GLA: variants seen among roughly 807,000 people sequenced by gnomAD.
The protein encoded by GLA is galactosidase alpha.
Under a neutral mutation model 28.2 loss-of-function variants are expected in GLA, and 4 were observed. That is an observed-to-expected ratio of 0.14 (90% confidence interval 0.07 to 0.32). The LOEUF is 0.32. Among genes scored for constraint, GLA ranks in the 10% least tolerant of loss-of-function variants. The pLI, the probability that GLA is intolerant of heterozygous loss-of-function variation, is 1.00. For missense variants in GLA, 203 were observed against 323.7 expected (o/e 0.63, Z 2.86); for synonymous variants, 94 against 113.0 (o/e 0.83, Z 1.07).
intron 1 of GLA, 124 bp downstream of exon 1, chrX:101,407,586 G>A: frequency 1.5e-6 from 1 of 653,116 alleles, no homozygotes; most frequent in Non-Finnish European, 2.6e-6. Flanking sequence ...TAAAAAAGCA[G>A]CAGCAGAGTC....
At chrX:101,406,460 G>A (rs1378464421) in intron 1 of GLA, among the ~76,000 whole-genome samples, 3 of 110,831 alleles carry the variant, frequency 2.7e-5, no homozygotes, top group Non-Finnish European at 5.7e-5. Flanking sequence ...ACGGTGGGGG[G>A]AAATCTTTAT....
rs782619655 is a variant in GLA at position 101,400,726 on chromosome X, C to G, written c.579G>C (p.Arg193Ser). 4 of 1,183,507 alleles carry G rather than the reference C, an allele frequency of 3.4e-6. No individual in the cohort carries two copies. The Admixed American group carries it at 8.7e-5, about 26-fold the overall frequency. The change falls in exon 4 of 7, where the codon AGG becomes AGC. Residue 193 changes from arginine (R) to serine (S), a missense_variant. Arg to Ser is a moderately radical substitution (Grantham distance 110, BLOSUM62 -1). This residue lies in a region of GLA where 162 missense variants were observed against 246.8 expected (regional missense o/e 0.66). Coordinates refer to ENST00000218516, the MANE Select transcript of GLA (RefSeq NM_000169.3). Reference sequence around the variant, plus strand: ...AGGAGTACACAATGCTTCTGCCAGTCCTATTCAGGGCCAAGGACATGTGCT... The same window carrying G: ...AGGAGTACACAATGCTTCTGCCAGTGCTATTCAGGGCCAAGGACATGTGCT... Reference protein sequence around the residue: ...GYKHMSLALNRTGRSIVYSCE... With the variant: ...GYKHMSLALNSTGRSIVYSCE...
At chrX:101,398,617 A>G in intron 5 of GLA, 50 bp from the exon 6 acceptor site, 1 of 1,092,115 alleles carries the variant, frequency 9.2e-7, no homozygotes, top group Non-Finnish European at 1.3e-6. Flanking sequence ...AAACATTCTT[A>G]AAGTTACCTA....
At chrX:101,401,941 A>G in intron 2 of GLA, 132 bp from the exon 3 acceptor site, 3 of 595,212 alleles carry the variant, frequency 5.0e-6, no homozygotes, top group Non-Finnish European at 5.7e-6. Context: ...TTCCCCACAA[A>G]CCCCCAAAAT....
In GLA at chrX:101,398,071, G is replaced by A. The variant is rs1555984858; in HGVS notation, c.1028C>T (p.Pro343Leu). 5.0e-6 allele frequency: 6 copies of A among 1,210,191 alleles called. No individual in the cohort carries two copies. The highest frequency in any genetic ancestry group is 6.7e-6 in the Non-Finnish European group (6 of 895,106). ...TACAGCCCAGGCTAAGCCTGAGAGA[G>A]GTCGTTCCCACACTTCAAAGTTGTC... is the stretch of plus-strand genomic sequence containing the variant. ...QGDNFEVWER[P>L]LSGLAWAVAM... Residue 343 changes from proline (P) to leucine (L), a missense_variant, in exon 7 of 7, where the codon CCT (proline) becomes CTT (leucine). By Grantham distance (98) the Pro-to-Leu change is moderately conservative. Transcript: ENST00000218516.
At chrX:101,406,438 C>T (rs1555986851) in intron 1 of GLA, among the ~76,000 whole-genome samples, 1 of 111,018 alleles carries the variant, frequency 9.0e-6, no homozygotes, top group East Asian at 2.8e-4. Flanking sequence ...ATGATTATTT[C>T]TGGGTGGTGG....
intron 2 of GLA, among the ~76,000 whole-genome samples, chrX:101,403,102 A>C (rs1224732691): frequency 9.1e-6 from 1 of 109,550 alleles, no homozygotes; most frequent in Admixed American, 9.8e-5. Flanking sequence ...GATCGAGACC[A>C]TCTTGGCTAA....
chrX:101,398,573 A>C lies in GLA; in HGVS notation c.802-6T>G, dbSNP rs782529392. 4.6e-5 allele frequency: 54 copies of C among 1,186,204 alleles called. No homozygotes were observed. Among genetic ancestry groups the C allele is most frequent in the Non-Finnish European group, 6.0e-5 (52 of 873,855 alleles). On this transcript the variant is annotated splice_region_variant and splice_polypyrimidine_tract_variant and intron_variant, in intron 5 of 6. Coordinates refer to ENST00000218516, the MANE Select transcript of GLA (RefSeq NM_000169.3). ...CCAAAGTTGCCAATCACTAACTGAGAAAAAGAATGAAATAATTCAAACAAG... is the reference window on the plus strand; with the variant it reads ...CCAAAGTTGCCAATCACTAACTGAGCAAAAGAATGAAATAATTCAAACAAG...
intron 3 of GLA, 82 bp from the exon 4 acceptor site, chrX:101,400,839 T>A (rs869312337): frequency 6.3e-5 from 30 of 476,838 alleles, no homozygotes; most frequent in Non-Finnish European, 6.0e-5. Context: ...TTTATTTTAT[T>A]TTATTTTAAT....
chrX:101,407,485 A>AGAGAGAGAGAG (rs1569305942), intron 1 of GLA, among the ~76,000 whole-genome samples: 1 of 111,224 alleles, frequency 9.0e-6, no homozygotes, highest in African/African-American at 3.3e-5. Context: ...AGAGAGAAAG[A>AGAGAGAGAGAG]AACAGGGGCC....
chrX:101,401,450 CATGA>C, intron 3 of GLA, 178 bp downstream of exon 3: 1 of 501,219 alleles, frequency 2.0e-6, no homozygotes, highest in Non-Finnish European at 3.6e-6. Flanking sequence ...ATGGATTTTA[CATGA>C]ATTAATTAAT....
At chrX:101,406,770 A>G (rs782605839) in intron 1 of GLA, among the ~76,000 whole-genome samples, 16 of 112,628 alleles carry the variant, frequency 1.4e-4, no homozygotes, top group Non-Finnish European at 2.4e-4. Flanking sequence ...GAGCCCTTTG[A>G]GAATTTGAAG....
chrX:101,398,989 A>C, intron 4 of GLA, 43 bp from the exon 5 acceptor site: 1 of 1,105,691 alleles, frequency 9.0e-7, no homozygotes, highest in Non-Finnish European at 1.2e-6. Flanking sequence ...TTCTACTAAC[A>C]TCCTTGTGAG....
intron 4 of GLA, chrX:101,399,949 A>G (rs1433257613): frequency 2.7e-5 from 3 of 111,654 alleles, no homozygotes; most frequent in African/African-American, 9.8e-5. Context: ...ATCTTTGGGG[A>G]AGAACTGTTC....
In GLA at chrX:101,398,006, A is replaced by T. The variant is rs367658155; in HGVS notation, c.1093T>A (p.Tyr365Asn). ...CCCAGGGAAGCAACTGCGATGGTAT[A>T]AGAGCGAGGTCCACCAATCTCCTGC... ...NRQEIGGPRS[Y>N]TIAVASLGKG... Residue 365 changes from tyrosine to asparagine, a missense_variant, in exon 7 of 7, where the codon TAT becomes AAT. Physicochemically the swap from Tyr to Asn is moderately radical, Grantham distance 143. This residue lies in a region of GLA where 162 missense variants were observed against 246.8 expected (regional missense o/e 0.66). Coordinates refer to ENST00000218516, the MANE Select transcript of GLA (RefSeq NM_000169.3). 9.9e-6 allele frequency: 12 copies of T among 1,208,513 alleles called. No individual in the cohort carries two copies. The African/African-American group carries it at 2.1e-4, about 21-fold the overall frequency.
At position 101,398,558 on chromosome X, in the gene GLA, C is replaced by A; in HGVS notation, c.811G>T (p.Gly271Cys). The A allele has an allele frequency of 8.3e-7, 1 of 1,197,970 alleles. No homozygotes were observed. Among genetic ancestry groups the A allele is most frequent in the South Asian group, 1.8e-5 (1 of 56,655 alleles). ...GWNDPDMLVI[G>C]NFGLSWNQQV... ...TGATTCCAGCTGAGGCCAAAGTTGC[C>A]AATCACTAACTGAGAAAAAGAATGA... Residue 271 changes from glycine to cysteine, a missense_variant, in exon 6 of 7, where the codon GGC (glycine) becomes TGC (cysteine). By Grantham distance (159) the Gly-to-Cys change is radical. Around this residue, in one of 3 missense-constraint regions of GLA, gnomAD observed 162 missense variants for 246.8 expected, o/e 0.66. Transcript: ENST00000218516.
rs1182870909 is a variant in GLA, at chrX:101,403,920, T to G, written c.260A>C (p.Glu87Ala). The G allele has an allele frequency of 8.3e-7, 1 of 1,206,693 alleles. No individual in the cohort carries two copies. Among genetic ancestry groups the G allele is most frequent in the Non-Finnish European group, 1.1e-6 (1 of 891,522 alleles). Reference protein sequence around the residue: ...VSEGWKDAGYEYLCIDDCWMA... With the variant: ...VSEGWKDAGYAYLCIDDCWMA... ...CCAACAGTCATCAATGCAGAGGTAC[T>G]CATAACCTGCATCCTTCCAGCCTTC... Residue 87 changes from glutamate (E) to alanine (A), a missense_variant, in exon 2 of 7, where the codon GAG (glutamate) becomes GCG (alanine). By Grantham distance (107) the Glu-to-Ala change is moderately radical. Coordinates refer to ENST00000218516, the MANE Select transcript of GLA (RefSeq NM_000169.3).
rs782003690 is a variant in GLA at position 101,401,837 on chromosome X, C to T, written c.370-28G>A. The T allele has an allele frequency of 1.3e-5, 15 of 1,171,030 alleles. No individual in the cohort carries two copies. In the Admixed American group the frequency reaches 3.0e-4, roughly 24 times the overall value. On this transcript the variant is annotated intron_variant, in intron 2 of 6. Transcript: ENST00000218516. ...GAAATGAGAGGGAGGAAAAGAGTCACCATTGTAGAAGCACAATCGTGAGGT... is the reference window on the plus strand; with the variant it reads ...GAAATGAGAGGGAGGAAAAGAGTCATCATTGTAGAAGCACAATCGTGAGGT...
chrX:101,407,847 C>T lies in GLA; in HGVS notation c.57G>A (p.Leu19=), dbSNP rs1255932020. ...HLGCALALRF[L]ALVSWDIPGA... Reference sequence around the variant, plus strand: ...CAGGGATGTCCCAGGAAACGAGGGCCAGGAAGCGAAGCGCAAGCGCGCAGC... The same window carrying T: ...CAGGGATGTCCCAGGAAACGAGGGCTAGGAAGCGAAGCGCAAGCGCGCAGC... The change falls in exon 1 of 7, where the codon CTG becomes CTA. Residue 19 remains leucine (L), a synonymous_variant. Coordinates refer to ENST00000218516, the MANE Select transcript of GLA (RefSeq NM_000169.3). 17 of 1,210,100 alleles carry T rather than the reference C, an allele frequency of 1.4e-5. No individual in the cohort carries two copies. Among genetic ancestry groups the T allele is most frequent in the Non-Finnish European group, 1.9e-5 (17 of 894,998 alleles).
Sources: gnomAD v4.1 joint callset for allele counts (sites outside exome capture counted in the v4.1 genomes callset) on GRCh38, gnomAD v4.1.1 for gene constraint, gnomAD v4.1.1 regional missense constraint, MANE v1.5 for transcripts, NCBI Gene and HGNC (gene_info 2026-07-23, HGNC 2026-07-21) for gene names.